The following PCDH11X variants were observed in gnomAD, a reference collection of about 807,000 sequenced individuals.
The protein encoded by PCDH11X is protocadherin-11 X-linked.
PCDH11X carries 18 observed loss-of-function variants against 53.3 expected under a neutral mutation model. The ratio of observed to expected loss-of-function variants is 0.34; its 90% CI spans 0.23 to 0.50. PCDH11X has a LOEUF of 0.50. Among genes scored for constraint, PCDH11X ranks in the 20% least tolerant of loss-of-function variants. PCDH11X has a pLI of 0.98. For synonymous variants in PCDH11X, 279 were observed against 393.3 expected, an observed-to-expected ratio of 0.71 and a Z score of 3.44; for missense variants, 570 against 1,032.4, an observed-to-expected ratio of 0.55 and a Z score of 6.14.
chrX:92,134,369 A>T (rs1050365463), intron 6 of PCDH11X, among the ~76,000 whole-genome samples: 1 of 110,994 alleles, frequency 9.0e-6, no homozygotes, highest in African/African-American at 3.3e-5. Context: ...CCAGCTTGAC[A>T]TTTCTTTTTA....
chrX:91,926,882 A>C, intron 6 of PCDH11X, among the ~76,000 whole-genome samples: 1 of 110,761 alleles, frequency 9.0e-6, no homozygotes, highest in Middle Eastern at 4.7e-3. Flanking sequence ...GTCATCCTAC[A>C]ATGCTATAGA....
chrX:91,881,181 G>A (rs1409954903), intron 6 of PCDH11X, among the ~76,000 whole-genome samples: 1 of 109,905 alleles, frequency 9.1e-6, no homozygotes, highest in Non-Finnish European at 1.9e-5. Context: ...ACAAAAAACT[G>A]AAGTATTTTT....
intron 10 of PCDH11X, among the ~76,000 whole-genome samples, chrX:92,532,412 C>T (rs1200184390): frequency 9.1e-6 from 1 of 109,384 alleles, no homozygotes; most frequent in Non-Finnish European, 1.9e-5. Context: ...TAAGTCTATA[C>T]TGCATTTAAG....
intron 5 of PCDH11X, among the ~76,000 whole-genome samples, chrX:91,861,205 G>A (rs1938651568): frequency 9.0e-6 from 1 of 111,494 alleles, no homozygotes; most frequent in African/African-American, 3.3e-5. Context: ...TTCAGTTTTG[G>A]GAGGGTGTAT....
At chrX:92,552,433 G>A (rs779285969) in intron 10 of PCDH11X, among the ~76,000 whole-genome samples, 10 of 105,004 alleles carry the variant, frequency 9.5e-5, no homozygotes, top group Admixed American at 2.1e-4. Flanking sequence ...TAACAGTTTC[G>A]TTCGTGCAGT....
intron 6 of PCDH11X, among the ~76,000 whole-genome samples, chrX:92,059,555 G>A (rs1384327140): frequency 1.8e-5 from 2 of 110,445 alleles, no homozygotes; most frequent in Non-Finnish European, 3.8e-5. Context: ...CCAATGGTGA[G>A]AACAACCTTA....
At chrX:92,429,259 C>T (rs892971775) in intron 9 of PCDH11X, among the ~76,000 whole-genome samples, 46 of 110,433 alleles carry the variant, frequency 4.2e-4, no homozygotes, top group African/African-American at 1.5e-3. Context: ...AGGACGCAAA[C>T]TAAGATAAGC....
At chrX:92,370,040 C>G (rs1396213851) in intron 8 of PCDH11X, among the ~76,000 whole-genome samples, 1 of 106,995 alleles carries the variant, frequency 9.3e-6, no homozygotes, top group African/African-American at 3.4e-5. Flanking sequence ...AAAATTGTTT[C>G]TTAGCACTGG....
chrX:91,957,737 G>A (rs1430989091), intron 6 of PCDH11X, among the ~76,000 whole-genome samples: 1 of 109,486 alleles, frequency 9.1e-6, no homozygotes, highest in Non-Finnish European at 1.9e-5. Flanking sequence ...TACCCAGTCA[G>A]GAGGAATGAG....
At chrX:92,138,381 C>A (rs1171132373) in intron 6 of PCDH11X, among the ~76,000 whole-genome samples, 4 of 110,432 alleles carry the variant, frequency 3.6e-5, no homozygotes, top group African/African-American at 1.3e-4. Context: ...TTTACTCTAG[C>A]ATCAGAATCT....
chrX:92,557,436 G>A (rs2075063315), intron 10 of PCDH11X, among the ~76,000 whole-genome samples: 1 of 110,156 alleles, frequency 9.1e-6, no homozygotes, highest in South Asian at 3.8e-4. Flanking sequence ...TAGAGCAGGG[G>A]CAAAATCCCA....
At chrX:92,281,855 T>A (rs1334599248) in intron 8 of PCDH11X, among the ~76,000 whole-genome samples, 2 of 111,766 alleles carry the variant, frequency 1.8e-5, no homozygotes, top group East Asian at 5.6e-4. Flanking sequence ...TGAAAAAAAT[T>A]CTTTCATTCA....
intron 6 of PCDH11X, among the ~76,000 whole-genome samples, chrX:92,051,113 G>C (rs183164126): frequency 8.9e-5 from 10 of 112,011 alleles, no homozygotes; most frequent in Non-Finnish European, 1.7e-4. Flanking sequence ...AGATGAACAA[G>C]TGCATCAAAT....
At chrX:92,277,492 G>A (rs2068125971) in intron 8 of PCDH11X, among the ~76,000 whole-genome samples, 1 of 109,043 alleles carries the variant, frequency 9.2e-6, no homozygotes, top group Non-Finnish European at 1.9e-5. Context: ...AGGAGGAATG[G>A]AGGGTGGAAG....
In PCDH11X at chrX:92,144,537, T is replaced by C. The variant is rs6618875; in HGVS notation, c.3034-56838T>C. Among the ~76,000 whole-genome samples the C allele has an allele frequency of 0.011, 1,230 of 111,627 alleles. 82 individuals carry two copies. The East Asian group carries it at 0.25, about 23-fold the overall frequency. The stretch of plus-strand genomic sequence containing the variant: ...GCTACTGCCATGTAAGAAGTGTCTC[T>C]CGCCTCCTACCATGATTCTGAGGCT... On this transcript the variant is annotated intron_variant, in intron 6 of 10. Coordinates refer to ENST00000682573, the MANE Select transcript of PCDH11X (RefSeq NM_032968.5).
At position 91,981,448 on chromosome X, in the gene PCDH11X, TA is replaced by T. The variant is rs60823093; in HGVS notation, c.3033+102184del. On this transcript the variant is annotated intron_variant, in intron 6 of 10. Transcript: ENST00000682573. ...AGTCTACAATGATGCAGTATCTGAT[TA>T]AAAAAAAATGTGGCTAGCTGATAAG... Among the ~76,000 whole-genome samples the T allele has an allele frequency of 1.6e-4, 18 of 109,527 alleles. 1 individual carries two copies. The East Asian group carries it at 2.6e-3, about 16-fold the overall frequency.
intron 6 of PCDH11X, among the ~76,000 whole-genome samples, chrX:92,021,205 T>C (rs2062879172): frequency 9.0e-6 from 1 of 111,474 alleles, no homozygotes; most frequent in Non-Finnish European, 1.9e-5. Flanking sequence ...CTGACAGAAG[T>C]ATACTTCAGA....
At chrX:91,816,737 A>G (rs1936464475) in intron 4 of PCDH11X, among the ~76,000 whole-genome samples, 1 of 111,445 alleles carries the variant, frequency 9.0e-6, no homozygotes, top group Non-Finnish European at 1.9e-5. Context: ...TTGGAGATGG[A>G]TTAAGAGTGA....
chrX:92,204,226 C>T (rs961413045), intron 7 of PCDH11X, among the ~76,000 whole-genome samples: 1 of 112,292 alleles, frequency 8.9e-6, no homozygotes, highest in East Asian at 2.8e-4. Context: ...CTCCTCATTA[C>T]TTATGCAAAT....
Sources: allele counts gnomAD v4.1 joint callset (sites outside exome capture counted in the v4.1 genomes callset), GRCh38; gene constraint gnomAD v4.1.1; transcripts MANE v1.5; gene names NCBI Gene and HGNC (gene_info 2026-07-23, HGNC 2026-07-21).